The following EYS variants were observed in gnomAD, a reference collection of about 807,000 sequenced individuals.
The protein encoded by EYS is protein eyes shut homolog.
In EYS, 250 loss-of-function variants were observed where a neutral mutation model predicts 282.1. The observed-to-expected ratio is 0.89, with a 90% CI of 0.80 to 0.98. The LOEUF is 0.98. Ranked by LOEUF, EYS falls within the 50% of genes least tolerant of loss-of-function variation. EYS has a pLI of 0.00. For missense variants in EYS, 4,016 were observed against 3,709.0 expected (o/e 1.08, Z -2.15); for synonymous variants, 1,355 against 1,282.9 (o/e 1.06, Z -1.20).
At chr6:64,863,655 C>T (rs1766320907) in intron 19 of EYS, among the ~76,000 whole-genome samples, 3 of 152,208 alleles carry the variant, frequency 2.0e-5, no homozygotes, top group South Asian at 4.1e-4. Flanking sequence ...GCAATAGTAG[C>T]TTTATTTTTA....
intron 10 of EYS, 64 bp from the exon 11 acceptor site, chr6:65,335,210 T>TA: frequency 1.7e-6 from 2 of 1,183,652 alleles, no homozygotes; most frequent in Non-Finnish European, 2.5e-6. Context: ...ATTACAATTG[T>TA]GACCTGAGAG....
chr6:65,165,775 T>G (rs137960791), intron 12 of EYS, among the ~76,000 whole-genome samples: 14 of 151,222 alleles, frequency 9.3e-5, no homozygotes, highest in African/African-American at 3.4e-4. Context: ...GAAAGGGACA[T>G]TAAAACTATC....
chr6:64,032,420 A>C (rs113083299), intron 33 of EYS, among the ~76,000 whole-genome samples: 1 of 152,174 alleles, frequency 6.6e-6, no homozygotes, highest in Non-Finnish European at 1.5e-5. Context: ...AAAGGGAAAA[A>C]CTTTTTCTAT....
intron 2 of EYS, among the ~76,000 whole-genome samples, chr6:65,519,708 A>ATTTTT (rs59743261): frequency 5.2e-4 from 22 of 42,562 alleles, no homozygotes; most frequent in African/African-American, 1.3e-3. Flanking sequence ...ATATATATAT[A>ATTTTT]TTTTTTTTTT....
chr6:64,874,670 T>G (rs922759314), intron 19 of EYS, among the ~76,000 whole-genome samples: 1 of 152,102 alleles, frequency 6.6e-6, no homozygotes, highest in African/African-American at 2.4e-5. Context: ...GGTTACTATT[T>G]GGGCAATGAC....
In EYS at chr6:65,384,368, A is replaced by C. The variant is rs1158665419; in HGVS notation, c.1299+18T>G. ...TTTTGAAGGGCTAACTTATGTTGCC[A>C]TGTATTAAATTACTTACTTTGAATC... On this transcript the variant is annotated intron_variant, in intron 8 of 42. Coordinates refer to ENST00000503581, the MANE Select transcript of EYS (RefSeq NM_001142800.2). 1 of 1,356,214 alleles carries C rather than the reference A, an allele frequency of 7.4e-7. No individual in the cohort carries two copies. The highest frequency in any genetic ancestry group is 1.1e-6 in the Non-Finnish European group (1 of 949,286). 84.0% of individuals were successfully genotyped at this position (1,356,214 alleles called of 1,614,324 possible). A position where few individuals can be genotyped will look rare whatever the true frequency, so the allele number is the denominator to read the frequency against.
intron 22 of EYS, among the ~76,000 whole-genome samples, chr6:64,764,497 A>G (rs1316928257): frequency 6.6e-6 from 1 of 152,216 alleles, no homozygotes; most frequent in Non-Finnish European, 1.5e-5. Context: ...GGCCCAGCCC[A>G]CAAAACCAAT....
intron 30 of EYS, among the ~76,000 whole-genome samples, chr6:64,275,356 T>C (rs1379285447): frequency 6.6e-6 from 1 of 152,156 alleles, no homozygotes; most frequent in Non-Finnish European, 1.5e-5. Flanking sequence ...ACATATATAA[T>C]ATAATTGGGA....
At chr6:63,781,763 C>G (rs1164430886) in intron 39 of EYS, among the ~76,000 whole-genome samples, 1 of 152,170 alleles carries the variant, frequency 6.6e-6, no homozygotes, top group Non-Finnish European at 1.5e-5. Flanking sequence ...CCTGATTGCC[C>G]TAGCCAGAAC....
At chr6:64,303,138 A>G (rs1403115351) in intron 30 of EYS, among the ~76,000 whole-genome samples, 1 of 151,906 alleles carries the variant, frequency 6.6e-6, no homozygotes, top group Non-Finnish European at 1.5e-5. Context: ...AAATTCTCTC[A>G]CTCTGCCTGC....
intron 18 of EYS, among the ~76,000 whole-genome samples, chr6:64,897,240 A>G (rs150085404): frequency 4.9e-4 from 74 of 152,242 alleles, no homozygotes; most frequent in Non-Finnish European, 9.4e-4. Flanking sequence ...CTCTGGGATG[A>G]AGTTCCAGAG....
Position 65,509,097 on chromosome 6 carries a change from T to C in EYS, c.-332-13104A>G, listed in dbSNP as rs148752361. ...AGTAAACTGGAGATGAAAATAAACA[T>C]AACATAAGAGGAGTAACGTACTATA... is the stretch of plus-strand genomic sequence containing the variant. On this transcript the variant is annotated intron_variant, in intron 2 of 42. Coordinates refer to ENST00000503581, the MANE Select transcript of EYS (RefSeq NM_001142800.2). Among the ~76,000 whole-genome samples, 1,048 of 152,240 alleles carry C rather than the reference T, an allele frequency of 6.9e-3. 38 individuals carry two copies. Among genetic ancestry groups the C allele is most frequent in the Admixed American group, 0.051 (783 of 15,284 alleles).
chr6:65,221,607 A>G (rs1766467554), intron 12 of EYS, among the ~76,000 whole-genome samples: 1 of 152,172 alleles, frequency 6.6e-6, no homozygotes, highest in African/African-American at 2.4e-5. Flanking sequence ...CTCATGGAGA[A>G]CCTCTGCTAG....
chr6:65,632,925 AG>A (rs1251600270), intron 2 of EYS, among the ~76,000 whole-genome samples: 1 of 151,894 alleles, frequency 6.6e-6, no homozygotes, highest in Non-Finnish European at 1.5e-5. Context: ...ACCATAACTG[AG>A]GGCCCTTGAA....
At chr6:64,794,010 A>G (rs1774270874) in intron 22 of EYS, among the ~76,000 whole-genome samples, 3 of 152,070 alleles carry the variant, frequency 2.0e-5, no homozygotes. Flanking sequence ...TCCTTGCCCC[A>G]GGCCCTGGTT....
At chr6:65,417,600 A>G (rs1413089381) in intron 5 of EYS, among the ~76,000 whole-genome samples, 1 of 151,958 alleles carries the variant, frequency 6.6e-6, no homozygotes, top group African/African-American at 2.4e-5. Context: ...GGATTATTCA[A>G]CTCTGCTCTT....
At chr6:64,133,844 T>C (rs958665920) in intron 31 of EYS, among the ~76,000 whole-genome samples, 12 of 148,658 alleles carry the variant, frequency 8.1e-5, no homozygotes, top group Non-Finnish European at 1.5e-4. Flanking sequence ...ATATCTTTCT[T>C]TTTTTTTTTC....
chr6:65,599,037 G>A (rs1227596297), intron 2 of EYS, among the ~76,000 whole-genome samples: 1 of 151,840 alleles, frequency 6.6e-6, no homozygotes, highest in Admixed American at 6.6e-5. Context: ...TTGGGTTCAG[G>A]ACTGCCCGCA....
intron 14 of EYS, among the ~76,000 whole-genome samples, chr6:64,959,414 T>C (rs1405844167): frequency 1.3e-5 from 2 of 152,206 alleles, no homozygotes; most frequent in East Asian, 1.9e-4. Context: ...TTATTCTTTA[T>C]TTTTTGAATT....
Sources: allele counts gnomAD v4.1 joint callset (sites outside exome capture counted in the v4.1 genomes callset), GRCh38; gene constraint gnomAD v4.1.1; transcripts MANE v1.5; gene names NCBI Gene and HGNC (gene_info 2026-07-23, HGNC 2026-07-21).